The following CACNB2 variants were observed in gnomAD, a reference collection of about 807,000 sequenced individuals.
The protein encoded by CACNB2 is voltage-dependent L-type calcium channel subunit beta-2.
CACNB2 carries 42 observed loss-of-function variants against 73.3 expected under a neutral mutation model. That is an observed-to-expected ratio of 0.57 (90% confidence interval 0.45 to 0.74). CACNB2 has a LOEUF of 0.74. Ranked by LOEUF, CACNB2 falls within the 30% of genes least tolerant of loss-of-function variation. CACNB2 has a pLI of 0.00. For missense variants in CACNB2, 940 were observed against 853.0 expected (o/e 1.10, Z -1.27); for synonymous variants, 348 against 310.3 (o/e 1.12, Z -1.28).
At chr10:18,231,097 C>T (rs1657912551) in intron 2 of CACNB2, among the ~76,000 whole-genome samples, 1 of 152,188 alleles carries the variant, frequency 6.6e-6, no homozygotes, top group South Asian at 2.1e-4. Flanking sequence ...GGTCCACATG[C>T]AAACTAAAAA....
At chr10:18,254,651 A>G (rs1014869195) in intron 2 of CACNB2, among the ~76,000 whole-genome samples, 2 of 152,220 alleles carry the variant, frequency 1.3e-5, no homozygotes, top group African/African-American at 4.8e-5. Flanking sequence ...TAGAAGCTGG[A>G]ATGAAATAGA....
chr10:18,433,563 C>G (rs1398585674), intron 3 of CACNB2, among the ~76,000 whole-genome samples: 1 of 152,086 alleles, frequency 6.6e-6, no homozygotes, highest in Non-Finnish European at 1.5e-5. Flanking sequence ...GTGTAATAAT[C>G]TGTGCTGGTA....
intron 2 of CACNB2, among the ~76,000 whole-genome samples, chr10:18,181,582 ATTT>A (rs2033885479): frequency 1.9e-5 from 2 of 106,792 alleles, no homozygotes; most frequent in African/African-American, 4.2e-5. Context: ...ATTTTATTTT[ATTT>A]TATTTTATTT....
chr10:18,200,712 G>GA (rs1363856347), intron 2 of CACNB2, among the ~76,000 whole-genome samples: 1 of 152,030 alleles, frequency 6.6e-6, no homozygotes, highest in Non-Finnish European at 1.5e-5. Flanking sequence ...ATTTTTCTAA[G>GA]AAACTTGTAA....
At chr10:18,277,996 G>A in intron 2 of CACNB2, among the ~76,000 whole-genome samples, 1 of 152,122 alleles carries the variant, frequency 6.6e-6, no homozygotes, top group East Asian at 1.9e-4. Context: ...GGATTTAAGT[G>A]AGTAACCTAG....
chr10:18,365,057 A>G (rs11013859), intron 2 of CACNB2, among the ~76,000 whole-genome samples: 42,709 of 152,114 alleles, frequency 0.28, 6,493 homozygotes, highest in East Asian at 0.66. Flanking sequence ...TGGGTTAAGG[A>G]TGAAAGCAGA....
At chr10:18,320,372 T>A (rs1303480031) in intron 2 of CACNB2, among the ~76,000 whole-genome samples, 2 of 152,202 alleles carry the variant, frequency 1.3e-5, no homozygotes, top group Non-Finnish European at 2.9e-5. Context: ...TATGACATAG[T>A]TAAGTACGAA....
intron 2 of CACNB2, among the ~76,000 whole-genome samples, chr10:18,187,895 C>T (rs1020284053): frequency 1.3e-5 from 2 of 152,130 alleles, no homozygotes; most frequent in African/African-American, 4.8e-5. Flanking sequence ...GGAAAATCCA[C>T]ATGTAATTGT....
At chr10:18,257,688 C>T (rs765295760) in intron 2 of CACNB2, among the ~76,000 whole-genome samples, 4 of 152,130 alleles carry the variant, frequency 2.6e-5, no homozygotes, top group Non-Finnish European at 5.9e-5. Context: ...TTTTTCCTTC[C>T]AGGGATGGTT....
At chr10:18,514,939 A>T (rs779482293) in intron 7 of CACNB2, 5 of 1,440,126 alleles carry the variant, frequency 3.5e-6, no homozygotes, top group Non-Finnish European at 3.9e-6. Flanking sequence ...AAAAGTATTC[A>T]AGTTTTAATT....
intron 2 of CACNB2, among the ~76,000 whole-genome samples, chr10:18,219,772 A>ATTT (rs55812855): frequency 7.3e-6 from 1 of 137,474 alleles, no homozygotes. Flanking sequence ...CAAATCTTTC[A>ATTT]TTTTTTTTTT....
chr10:18,164,117 T>G (rs1424831046), intron 2 of CACNB2, among the ~76,000 whole-genome samples: 2 of 152,322 alleles, frequency 1.3e-5, no homozygotes, highest in East Asian at 3.9e-4. Context: ...TTGTAAACTT[T>G]TACGACAGAT....
At chr10:18,485,071 T>C (rs1290757501) in intron 3 of CACNB2, among the ~76,000 whole-genome samples, 6 of 152,082 alleles carry the variant, frequency 3.9e-5, no homozygotes, top group African/African-American at 1.4e-4. Flanking sequence ...GAGCATGGAA[T>C]GCAGAGGTTG....
chr10:18,440,532 T>G (rs2046362750), intron 3 of CACNB2, among the ~76,000 whole-genome samples: 1 of 152,124 alleles, frequency 6.6e-6, no homozygotes, highest in African/African-American at 2.4e-5. Flanking sequence ...ACTGGCATGG[T>G]GGTCCACATC....
intron 2 of CACNB2, among the ~76,000 whole-genome samples, chr10:18,283,656 CTG>C (rs2038656060): frequency 8.6e-6 from 1 of 115,618 alleles, no homozygotes; most frequent in Non-Finnish European, 1.6e-5. Flanking sequence ...ACGTCACACA[CTG>C]GGGCCTGTCA....
At chr10:18,355,952 C>T (rs142465994) in intron 2 of CACNB2, among the ~76,000 whole-genome samples, 1 of 152,006 alleles carries the variant, frequency 6.6e-6, no homozygotes, top group Non-Finnish European at 1.5e-5. Flanking sequence ...TTTTTATTCT[C>T]CTCTGTAATG....
intron 1 of CACNB2, among the ~76,000 whole-genome samples, chr10:18,148,791 T>C (rs376924033): frequency 1.6e-4 from 24 of 152,100 alleles, no homozygotes; most frequent in Admixed American, 4.6e-4. Flanking sequence ...AGTCATGAGT[T>C]CAAGACCAGC....
intron 2 of CACNB2, among the ~76,000 whole-genome samples, chr10:18,290,005 A>C (rs1363695600): frequency 6.6e-6 from 1 of 151,980 alleles, no homozygotes; most frequent in East Asian, 1.9e-4. Flanking sequence ...CAGTGAGAGA[A>C]GAGTCTAAAA....
intron 3 of CACNB2, among the ~76,000 whole-genome samples, chr10:18,479,471 T>G (rs190837565): frequency 6.8e-4 from 103 of 152,292 alleles, no homozygotes; most frequent in Non-Finnish European, 1.1e-3. Context: ...AACTTTCTCT[T>G]TACAAATGTT....
Sources: allele counts gnomAD v4.1 joint callset (sites outside exome capture counted in the v4.1 genomes callset), GRCh38; gene constraint gnomAD v4.1.1; transcripts MANE v1.5; gene names NCBI Gene and HGNC (gene_info 2026-07-23, HGNC 2026-07-21).